The following CENPW variants were observed in gnomAD, a reference collection of about 807,000 sequenced individuals.
The protein encoded by CENPW is centromere protein W.
A neutral mutation model predicts 11.1 loss-of-function variants in CENPW; 3 were observed. That is an observed-to-expected ratio of 0.27 (90% CI 0.12 to 0.70). The LOEUF is 0.70. Ranked by LOEUF, CENPW falls within the 30% of genes least tolerant of loss-of-function variation. The pLI, the probability that CENPW is intolerant of heterozygous loss-of-function variation, is 0.77. For missense variants in CENPW, 100 were observed against 105.6 expected (o/e 0.95, Z 0.23); for synonymous variants, 38 against 42.0 (o/e 0.91, Z 0.37).
the CENPW span, among the ~76,000 whole-genome samples, chr6:126,397,499 T>C: frequency 6.6e-6 from 1 of 152,292 alleles, no homozygotes; most frequent in African/African-American, 2.4e-5. Flanking sequence ...CTTTCAGTAA[T>C]ATAAAATTAT....
downstream of CENPW, among the ~76,000 whole-genome samples, chr6:126,350,203 G>A (rs1044908258): frequency 3.9e-5 from 6 of 152,044 alleles, no homozygotes; most frequent in Non-Finnish European, 7.4e-5. Flanking sequence ...CAGCATTGTG[G>A]TTTTAATTTA....
the CENPW span, among the ~76,000 whole-genome samples, chr6:126,359,350 C>T: frequency 2.7e-5 from 4 of 150,928 alleles, no homozygotes; most frequent in Non-Finnish European, 4.4e-5. Flanking sequence ...AGCGTGTGGC[C>T]GATCTTAGAA....
the CENPW span, among the ~76,000 whole-genome samples, chr6:126,384,423 A>G: frequency 6.6e-6 from 1 of 152,170 alleles, no homozygotes; most frequent in Admixed American, 6.6e-5. Flanking sequence ...TATTACAAAA[A>G]CAGACATATA....
the CENPW span, among the ~76,000 whole-genome samples, chr6:126,407,391 A>G: frequency 6.6e-6 from 1 of 152,174 alleles, no homozygotes; most frequent in East Asian, 1.9e-4. Context: ...GCTTCAATGA[A>G]CATACATGTG....
chr6:126,416,835 C>T, the CENPW span, among the ~76,000 whole-genome samples: 1 of 152,170 alleles, frequency 6.6e-6, no homozygotes, highest in Admixed American at 6.5e-5. Flanking sequence ...GATCAGGGGT[C>T]TCATGGAGAA....
At chr6:126,437,961 A>G in the CENPW span, among the ~76,000 whole-genome samples, 1 of 151,834 alleles carries the variant, frequency 6.6e-6, no homozygotes, top group Admixed American at 6.6e-5. Flanking sequence ...GAACTAAAAT[A>G]TAAAAACACT....
At chr6:126,469,163 A>G in the CENPW span, among the ~76,000 whole-genome samples, 2 of 152,240 alleles carry the variant, frequency 1.3e-5, no homozygotes, top group African/African-American at 4.8e-5. Flanking sequence ...CTCACCTTGA[A>G]TTTTAATCCC....
chr6:126,340,558 G>C, intron 1 of CENPW, 159 bp downstream of exon 1: 1 of 996,250 alleles, frequency 1.0e-6, no homozygotes, highest in Non-Finnish European at 1.5e-6. Flanking sequence ...CCCCACCCTG[G>C]CATGTCAGTT....
the CENPW span, among the ~76,000 whole-genome samples, chr6:126,464,108 G>T: frequency 7.6e-4 from 115 of 152,082 alleles, 1 homozygote; most frequent in African/African-American, 2.6e-3. Flanking sequence ...TATGGTAAAA[G>T]GATAATACAT....
chr6:126,404,051 T>G, the CENPW span, among the ~76,000 whole-genome samples: 3 of 152,048 alleles, frequency 2.0e-5, no homozygotes, highest in Non-Finnish European at 4.4e-5. Context: ...TGTGCTCTCA[T>G]AAATGGAATA....
the CENPW span, among the ~76,000 whole-genome samples, chr6:126,370,741 A>T: frequency 1.3e-5 from 2 of 150,892 alleles, no homozygotes; most frequent in Admixed American, 1.3e-4. Flanking sequence ...ACTGATTTGG[A>T]TGCAGTTTAT....
At chr6:126,350,947 G>A (rs571193541), downstream of CENPW, among the ~76,000 whole-genome samples, 36 of 151,628 alleles carry the variant, frequency 2.4e-4, no homozygotes, top group African/African-American at 8.7e-4. Context: ...TTCTTTAAAT[G>A]TAATTAATAT....
At chr6:126,410,917 A>G in the CENPW span, among the ~76,000 whole-genome samples, 1 of 151,786 alleles carries the variant, frequency 6.6e-6, no homozygotes, top group South Asian at 2.1e-4. Flanking sequence ...GTCAATCTGT[A>G]TTTTCCTCTA....
chr6:126,344,757 T>C (rs1780376137), intron 1 of CENPW, among the ~76,000 whole-genome samples: 1 of 152,172 alleles, frequency 6.6e-6, no homozygotes, highest in Non-Finnish European at 1.5e-5. Flanking sequence ...CACTAGAACA[T>C]TATTAAACAC....
At chr6:126,482,407 C>A in the CENPW span, among the ~76,000 whole-genome samples, 1 of 151,752 alleles carries the variant, frequency 6.6e-6, no homozygotes, top group African/African-American at 2.4e-5. Flanking sequence ...ATGGTAAGTG[C>A]TATTTATATA....
At chr6:126,456,822 A>AGC in the CENPW span, among the ~76,000 whole-genome samples, 1 of 151,756 alleles carries the variant, frequency 6.6e-6, no homozygotes, top group Non-Finnish European at 1.5e-5. Context: ...TCTAATATCC[A>AGC]ATAGCTATAA....
chr6:126,340,752 C>A (rs1431201560), intron 1 of CENPW, among the ~76,000 whole-genome samples: 1 of 152,108 alleles, frequency 6.6e-6, no homozygotes, highest in Non-Finnish European at 1.5e-5. Context: ...GAAAGAATCA[C>A]CCTTTAAAAA....
At chr6:126,349,120 T>A (rs1003075112), downstream of CENPW, among the ~76,000 whole-genome samples, 2 of 152,072 alleles carry the variant, frequency 1.3e-5, no homozygotes, top group African/African-American at 2.4e-5. Context: ...TCCCCCTAAA[T>A]AAGATAATTT....
At chr6:126,481,708 A>G in the CENPW span, among the ~76,000 whole-genome samples, 1 of 152,096 alleles carries the variant, frequency 6.6e-6, no homozygotes, top group African/African-American at 2.4e-5. Flanking sequence ...TTTGGAAGGG[A>G]TATTTAAACC....
Sources: allele counts gnomAD v4.1 joint callset (sites outside exome capture counted in the v4.1 genomes callset), GRCh38; gene constraint gnomAD v4.1.1; transcripts MANE v1.5; gene names NCBI Gene and HGNC (gene_info 2026-07-23, HGNC 2026-07-21).